Variants in SKOR1 observed in about 807,000 individuals in gnomAD.
The protein encoded by SKOR1 is SKI family transcriptional corepressor 1, also known as LBX1 corepressor 1.
In SKOR1, 38 loss-of-function variants were observed where a neutral mutation model predicts 72.4. The observed-to-expected ratio is 0.52, with a 90% confidence interval of 0.40 to 0.69. SKOR1 has a LOEUF of 0.69. SKOR1 is among the 30% of genes least tolerant of loss of function. The pLI, the probability that SKOR1 is intolerant of heterozygous loss-of-function variation, is 0.00. For missense variants in SKOR1, 1,320 were observed against 1,343.2 expected (o/e 0.98, Z 0.27); for synonymous variants, 642 against 599.4 (o/e 1.07, Z -1.04).
Position 67,827,651 on chromosome 15 carries a change from T to A in SKOR1, c.1823T>A (p.Leu608His), listed in dbSNP as rs1444459565. The change falls in exon 2 of 9, where the codon CTC becomes CAC. Residue 608 changes from leucine (L) to histidine (H), a missense_variant. Coordinates refer to ENST00000380035, the MANE Select transcript of SKOR1 (RefSeq NM_001365915.1). ...VVKDTESIAK[L>H]YGSAREAYGA... Reference sequence around the variant, plus strand: ...AAGGACACCGAGAGCATCGCTAAGCTCTACGGGAGCGCCCGGGAGGCGTAC... The same window carrying A: ...AAGGACACCGAGAGCATCGCTAAGCACTACGGGAGCGCCCGGGAGGCGTAC... 1 of 1,530,708 alleles carries A rather than the reference T, an allele frequency of 6.5e-7. No individual in the cohort carries two copies. Among genetic ancestry groups the A allele is most frequent in the Non-Finnish European group, 8.7e-7 (1 of 1,143,064 alleles). 94.8% of individuals were successfully genotyped at this position (1,530,708 alleles called of 1,614,324 possible).
In SKOR1 at chr15:67,827,147, G is replaced by C; in HGVS notation, c.1319G>C (p.Gly440Ala). 2 of 1,362,424 alleles carry C rather than the reference G, an allele frequency of 1.5e-6. No individual in the cohort carries two copies. Among genetic ancestry groups the C allele is most frequent in the Non-Finnish European group, 1.9e-6 (2 of 1,068,634 alleles). 84.4% of individuals were successfully genotyped at this position (1,362,424 alleles called of 1,614,324 possible). Residue 440 changes from glycine to alanine, a missense_variant, in exon 2 of 9, where the codon GGC (glycine) becomes GCC (alanine). By Grantham distance (60) the Gly-to-Ala change is moderately conservative (BLOSUM62 0). Around this residue, in one of 3 missense-constraint regions of SKOR1, gnomAD observed 1,099 missense variants for 1,025.5 expected, o/e 1.07. Coordinates refer to ENST00000380035, the MANE Select transcript of SKOR1 (RefSeq NM_001365915.1). The stretch of plus-strand genomic sequence containing the variant: ...GCGGGGACAGGCGGGGGTGCGGGGG[G>C]CCCGGGAGCCAGCCACTTGCCCCCG... Reference protein sequence around the residue: ...GGAGTGGGAGGPGASHLPPGA... With the variant: ...GGAGTGGGAGAPGASHLPPGA...
At position 67,827,174 on chromosome 15, in the gene SKOR1, G is replaced by A; in HGVS notation, c.1346G>A (p.Gly449Glu). ...GGPGASHLPP[G>E]AGAGPGGGAM... ...CCGGGAGCCAGCCACTTGCCCCCGG[G>A]GGCAGGGGCGGGCCCGGGCGGCGGC... Residue 449 changes from glycine to glutamate, a missense_variant, in exon 2 of 9, where the codon GGG becomes GAG. By Grantham distance (98) the Gly-to-Glu change is moderately conservative. Transcript: ENST00000380035. 7.3e-7 allele frequency: 1 copy of A among 1,365,666 alleles called. No individual in the cohort carries two copies. Among genetic ancestry groups the A allele is most frequent in the Non-Finnish European group, 9.4e-7 (1 of 1,069,394 alleles). 84.6% of individuals were successfully genotyped at this position (1,365,666 alleles called of 1,614,324 possible).
chr15:67,830,973 G>T (rs541435374), intron 5 of SKOR1, 84 bp downstream of exon 5: 2 of 1,402,978 alleles, frequency 1.4e-6, no homozygotes, highest in East Asian at 4.6e-5. Context: ...CCCTGTAGGG[G>T]GTGAGTGTGG....
chr15:67,828,019 C>T lies in SKOR1; in HGVS notation c.2191C>T (p.Pro731Ser), dbSNP rs914390367. 1.1e-5 allele frequency: 17 copies of T among 1,539,644 alleles called. No homozygotes were observed. Among genetic ancestry groups the T allele is most frequent in the Admixed American group, 2.0e-5 (1 of 50,374 alleles). The part of the protein sequence containing the change: ...RRLGPPPAGR[P>S]AFGDLAAEDL... ...CCTCGGGCCACCCCCAGCTGGCCGG[C>T]CCGCATTTGGGGACTTGGCAGCCGA... Residue 731 changes from proline to serine, a missense_variant, in exon 2 of 9, where the codon CCC becomes TCC. Pro to Ser is a moderately conservative substitution (Grantham distance 74). Transcript: ENST00000380035.
chr15:67,830,955 G>A (rs1657070732), intron 5 of SKOR1, 66 bp downstream of exon 5: 1 of 1,510,576 alleles, frequency 6.6e-7, no homozygotes, highest in Non-Finnish European at 9.2e-7. Flanking sequence ...CCTGTAGAGG[G>A]GTGTTATCCC....
rs201960900 is a variant in SKOR1, at chr15:67,826,853, C to T, written c.1025C>T (p.Pro342Leu). 5 of 1,529,108 alleles carry T rather than the reference C, an allele frequency of 3.3e-6. No homozygotes were observed. The allele number at this position is 1,529,108 out of a possible 1,614,324, so 94.7% of individuals were successfully genotyped here. A position where few individuals can be genotyped will look rare whatever the true frequency, so the allele number is the denominator to read the frequency against. ...GCCGGGCCTCCGGGGCCACCTCCACCCCACCCGCAGCGCGGACTTGGCCTG... is the reference window on the plus strand; with the variant it reads ...GCCGGGCCTCCGGGGCCACCTCCACTCCACCCGCAGCGCGGACTTGGCCTG... ...EAAGPPGPPP[P>L]HPQRGLGLAT... Residue 342 changes from proline (P) to leucine (L), a missense_variant, in exon 2 of 9, where the codon CCC (proline) becomes CTC (leucine). This residue lies in a region of SKOR1 where 1,099 missense variants were observed against 1,025.5 expected (regional missense o/e 1.07). Transcript: ENST00000380035.
chr15:67,830,854 A>T lies in SKOR1; in HGVS notation c.2552A>T (p.His851Leu). 1.2e-6 allele frequency: 2 copies of T among 1,614,134 alleles called. No homozygotes were observed. Among genetic ancestry groups the T allele is most frequent in the Non-Finnish European group, 1.7e-6 (2 of 1,180,012 alleles). The change falls in exon 5 of 9, where the codon CAT becomes CTT. Residue 851 changes from histidine (H) to leucine (L), a missense_variant. This residue lies in a region of SKOR1 where 1,099 missense variants were observed against 1,025.5 expected (regional missense o/e 1.07). Transcript: ENST00000380035. ...DGLTLDVTGT[H>L]LVEKDIENLA... The stretch of plus-strand genomic sequence containing the variant: ...CTTACCTTGGATGTCACAGGAACTC[A>T]TTTGGTGGAGAAAGATATCGAGAAC...
At position 67,832,536 on chromosome 15, in the gene SKOR1, G is replaced by C; in HGVS notation, c.2663-71G>C. On this transcript the variant is annotated intron_variant, in intron 6 of 8. Coordinates refer to ENST00000380035, the MANE Select transcript of SKOR1 (RefSeq NM_001365915.1). This position sits in a 1 kb window ranked among gnomAD's most constrained non-coding sequence, Gnocchi z 4.5. ...GTTGGGGGTAGGGGTGAAAGGGGGG[G>C]CCAGGAGTGAGAAAGTGGAGCCGGG... The C allele has an allele frequency of 6.9e-7, 1 of 1,451,296 alleles. No individual in the cohort carries two copies. Among genetic ancestry groups the C allele is most frequent in the Non-Finnish European group, 9.6e-7 (1 of 1,039,432 alleles). 89.9% of individuals were successfully genotyped at this position (1,451,296 alleles called of 1,614,324 possible).
Position 67,832,575 on chromosome 15 carries a change from C to A in SKOR1, c.2663-32C>A. On this transcript the variant is annotated intron_variant, in intron 6 of 8. Transcript: ENST00000380035. This position sits in a 1 kb window ranked among gnomAD's most constrained non-coding sequence, Gnocchi z 4.5. ...AGTGGAGCCGGGAGAGGGGGCTGTG[C>A]GTAACAGCTCTCACTTAATCAATTT... The A allele has an allele frequency of 6.3e-7, 1 of 1,591,232 alleles. No individual in the cohort carries two copies. Among genetic ancestry groups the A allele is most frequent in the Non-Finnish European group, 8.6e-7 (1 of 1,160,428 alleles).
At position 67,827,449 on chromosome 15, in the gene SKOR1, C is replaced by G. The variant is rs1310279342; in HGVS notation, c.1621C>G (p.Pro541Ala). 1 of 1,522,834 alleles carries G rather than the reference C, an allele frequency of 6.6e-7. No individual in the cohort carries two copies. Among genetic ancestry groups the G allele is most frequent in the East Asian group, 2.5e-5 (1 of 39,404 alleles). 94.3% of individuals were successfully genotyped at this position (1,522,834 alleles called of 1,614,324 possible). Residue 541 changes from proline (P) to alanine (A), a missense_variant, in exon 2 of 9, where the codon CCA becomes GCA. Physicochemically the swap from Pro to Ala is conservative, Grantham distance 27. This residue lies in a region of SKOR1 where 1,099 missense variants were observed against 1,025.5 expected (regional missense o/e 1.07). Coordinates refer to ENST00000380035, the MANE Select transcript of SKOR1 (RefSeq NM_001365915.1). Reference sequence around the variant, plus strand: ...CCCAGAGCCCCTGGACGGTGCCGAGCCAGCCAAAGAGAGTGGCCTCGGCGC... The same window carrying G: ...CCCAGAGCCCCTGGACGGTGCCGAGGCAGCCAAAGAGAGTGGCCTCGGCGC... ...GAPEPLDGAE[P>A]AKESGLGAEE...
At chr15:67,831,946 C>T (rs899173533) in intron 5 of SKOR1, among the ~76,000 whole-genome samples, 11 of 148,112 alleles carry the variant, frequency 7.4e-5, no homozygotes, top group African/African-American at 2.1e-4. Context: ...GGGTCTGTCA[C>T]TTGAAGTGGG....
rs1179485034 is a variant in SKOR1 at position 67,828,022 on chromosome 15, G to C, written c.2194G>C (p.Ala732Pro). ...CGGGCCACCCCCAGCTGGCCGGCCCGCATTTGGGGACTTGGCAGCCGAAGA... is the reference window on the plus strand; with the variant it reads ...CGGGCCACCCCCAGCTGGCCGGCCCCCATTTGGGGACTTGGCAGCCGAAGA... Reference protein sequence around the residue: ...RLGPPPAGRPAFGDLAAEDLV... With the variant: ...RLGPPPAGRPPFGDLAAEDLV... Residue 732 changes from alanine (A) to proline (P), a missense_variant, in exon 2 of 9, where the codon GCA becomes CCA. This residue lies in a region of SKOR1 where 1,099 missense variants were observed against 1,025.5 expected (regional missense o/e 1.07). Coordinates refer to ENST00000380035, the MANE Select transcript of SKOR1 (RefSeq NM_001365915.1). 6.5e-7 allele frequency: 1 copy of C among 1,539,262 alleles called. No individual in the cohort carries two copies. Among genetic ancestry groups the C allele is most frequent in the African/African-American group, 1.4e-5 (1 of 72,270 alleles).
chr15:67,830,267 C>T lies in SKOR1; in HGVS notation c.2484C>T (p.Ile828=), dbSNP rs1372762527. 6.2e-7 allele frequency: 1 copy of T among 1,614,208 alleles called. No homozygotes were observed. The highest frequency in any genetic ancestry group is 1.1e-5 in the South Asian group (1 of 91,084). ...TRKSYPDQRS[I]SQPSPANTDR... ...AATCCTATCCAGACCAAAGGAGTAT[C>T]TCCCAGCCAAGTCCTGCAAATACAG... Residue 828 remains isoleucine (I), a synonymous_variant, in exon 4 of 9, where the codon ATC becomes ATT. Coordinates refer to ENST00000380035, the MANE Select transcript of SKOR1 (RefSeq NM_001365915.1).
At chr15:67,830,405 C>T (rs765542683) in intron 4 of SKOR1, 107 bp downstream of exon 4, 2 of 920,348 alleles carry the variant, frequency 2.2e-6, no homozygotes, top group African/African-American at 1.7e-5. Context: ...CAAGTGTAAG[C>T]GGCTGCCAGT....
At chr15:67,830,767 C>A (rs369691689) in intron 4 of SKOR1, 51 bp from the exon 5 acceptor site, 149 of 1,596,032 alleles carry the variant, frequency 9.3e-5, no homozygotes, top group Non-Finnish European at 1.2e-4. Flanking sequence ...CCCCTCCCCT[C>A]TCAAGGGCTT....
Position 67,832,900 on chromosome 15 carries a change from T to C in SKOR1, c.2737+219T>C. The C allele has an allele frequency of 1.7e-6, 1 of 599,596 alleles. No homozygotes were observed. Among genetic ancestry groups the C allele is most frequent in the Non-Finnish European group, 2.9e-6 (1 of 339,080 alleles). The allele number at this position is 599,596 out of a possible 1,614,324, so 37.1% of individuals were successfully genotyped here. On this transcript the variant is annotated intron_variant, in intron 7 of 8. Coordinates refer to ENST00000380035, the MANE Select transcript of SKOR1 (RefSeq NM_001365915.1). The surrounding 1 kb of genome is among the most constrained non-coding windows in gnomAD (Gnocchi z 4.5). ...TTACATGGAGTGATTGAACTTCTTA[T>C]CGCGGCAATTTCCATGGTTTCTAAA...
chr15:67,825,984 G>A lies in SKOR1; in HGVS notation c.156G>A (p.Glu52=), dbSNP rs1338777325. The stretch of plus-strand genomic sequence containing the variant: ...CCACTCAGCTGGGGCCGGGGCGCGA[G>A]GGCAGTTCCTCGCCCAACTCCAAGC... ...ALTTQLGPGR[E]GSSSPNSKQE... The change falls in exon 2 of 9, where the codon GAG becomes GAA. Residue 52 remains glutamate (E), a synonymous_variant. Coordinates refer to ENST00000380035, the MANE Select transcript of SKOR1 (RefSeq NM_001365915.1). This position sits in a 1 kb window ranked among gnomAD's most constrained non-coding sequence, Gnocchi z 5.6. 1.3e-6 allele frequency: 2 copies of A among 1,529,070 alleles called. No individual in the cohort carries two copies. The highest frequency in any genetic ancestry group is 1.3e-5 in the South Asian group (1 of 77,806). 94.7% of individuals were successfully genotyped at this position (1,529,070 alleles called of 1,614,324 possible).
chr15:67,827,373 A>AGCCGTGGCGGCG lies in SKOR1; in HGVS notation c.1548_1559dup (p.Val517_Ala520dup). The AGCCGTGGCGGCG allele has an allele frequency of 6.4e-7, 1 of 1,562,984 alleles. No homozygotes were observed. The highest frequency in any genetic ancestry group is 8.6e-7 in the Non-Finnish European group (1 of 1,164,738). ...AGAGCCAAGCCAAGGCCGTGGCGGCAGCCGTGGCGGCGGCAGCGGCGGCGG... is the reference window on the plus strand; with the variant it reads ...AGAGCCAAGCCAAGGCCGTGGCGGCAGCCGTGGCGGCGGCCGTGGCGGCGGCAGCGGCGGCGG... On this transcript the variant is annotated inframe_insertion, in exon 2 of 9. Transcript: ENST00000380035.
chr15:67,830,031 G>T lies in SKOR1; in HGVS notation c.2408-160G>T, dbSNP rs367603730. On this transcript the variant is annotated intron_variant, in intron 3 of 8. Coordinates refer to ENST00000380035, the MANE Select transcript of SKOR1 (RefSeq NM_001365915.1). The stretch of plus-strand genomic sequence containing the variant: ...CCAGGCGCGGGGGTGGGGGGTGCCC[G>T]GCCCAAAGCCTCAGGGCGCGCTCCT... Among the ~76,000 whole-genome samples the T allele has an allele frequency of 6.1e-4, 93 of 152,340 alleles. 3 individuals carry two copies. The East Asian group carries it at 0.014, about 23-fold the overall frequency.
Sources: allele counts gnomAD v4.1 joint callset (sites outside exome capture counted in the v4.1 genomes callset), GRCh38; gene constraint gnomAD v4.1.1; regional missense constraint gnomAD v4.1.1; non-coding constraint Gnocchi (gnomAD v3.1); transcripts MANE v1.5; gene names NCBI Gene and HGNC (gene_info 2026-07-23, HGNC 2026-07-21).